Variants in TESPA1 observed in about 807,000 individuals in gnomAD.
TESPA1 encodes the protein thymocyte expressed, positive selection associated 1.
TESPA1 carries 33 observed loss-of-function variants against 57.9 expected under a neutral mutation model. The ratio of observed to expected loss-of-function variants is 0.57; its 90% CI spans 0.43 to 0.76. The LOEUF is 0.76. Ranked by LOEUF, TESPA1 falls within the 30% of genes least tolerant of loss-of-function variation. The pLI is 0.00. For missense variants in TESPA1, 618 were observed against 632.9 expected, an observed-to-expected ratio of 0.98 and a Z score of 0.25; for synonymous variants, 227 against 228.9, an observed-to-expected ratio of 0.99 and a Z score of 0.07.
At chr12:54,950,689 C>T (rs1950328978) in intron 10 of TESPA1, among the ~76,000 whole-genome samples, 2 of 152,084 alleles carry the variant, frequency 1.3e-5, no homozygotes, top group Admixed American at 1.3e-4. Flanking sequence ...ATCACTAAAC[C>T]ACTATCAATT....
At chr12:54,951,831 T>C (rs1481189249) in intron 10 of TESPA1, among the ~76,000 whole-genome samples, 2 of 151,716 alleles carry the variant, frequency 1.3e-5, no homozygotes, top group Admixed American at 1.3e-4. Flanking sequence ...AAACTTTAAA[T>C]ATTAATATTT....
At chr12:54,974,895 A>G (rs1212140267) in intron 1 of TESPA1, among the ~76,000 whole-genome samples, 5 of 152,328 alleles carry the variant, frequency 3.3e-5, no homozygotes, top group South Asian at 2.1e-4. Flanking sequence ...AAGAATCTCT[A>G]TTTCTCAGGG....
Position 54,963,736 on chromosome 12 carries a change from A to T in TESPA1, c.655+6T>A, listed in dbSNP as rs769815098. 2 of 1,609,864 alleles carry T rather than the reference A, an allele frequency of 1.2e-6. No homozygotes were observed. The highest frequency in any genetic ancestry group is 4.5e-5 in the East Asian group (2 of 44,810). ...AGTAGAGCAGGTGCCTGGGAGGGAC[A>T]CTCACTGGCCAGCATGAGGCAGGGG... On this transcript the variant is annotated splice_donor_region_variant and intron_variant, in intron 8 of 10. Transcript: ENST00000449076.
chr12:54,961,828 C>T (rs1186561601), intron 9 of TESPA1, among the ~76,000 whole-genome samples: 1 of 152,202 alleles, frequency 6.6e-6, no homozygotes, highest in Non-Finnish European at 1.5e-5. Flanking sequence ...AAATGATGAC[C>T]AATGGCTCTT....
chr12:54,983,247 T>C (rs896967536), intron 1 of TESPA1, among the ~76,000 whole-genome samples: 3 of 152,182 alleles, frequency 2.0e-5, no homozygotes, highest in Non-Finnish European at 2.9e-5. Flanking sequence ...GAGAACATGT[T>C]GGTAGCGTGG....
chr12:54,950,527 A>G (rs1592285566), intron 10 of TESPA1, 137 bp from the exon 11 acceptor site: 1 of 347,478 alleles, frequency 2.9e-6, no homozygotes, highest in East Asian at 7.6e-5. Flanking sequence ...TATTAGCAGC[A>G]GCAGCAAAGA....
chr12:54,959,794 G>A (rs1386937882), intron 10 of TESPA1, among the ~76,000 whole-genome samples: 14 of 152,114 alleles, frequency 9.2e-5, no homozygotes, highest in Non-Finnish European at 1.9e-4. Flanking sequence ...TGGAGTGGCC[G>A]CTTCTAGCTC....
chr12:54,964,540 T>C (rs994377540), intron 7 of TESPA1, among the ~76,000 whole-genome samples: 2 of 152,230 alleles, frequency 1.3e-5, no homozygotes, highest in Non-Finnish European at 2.9e-5. Flanking sequence ...CTCTTTATGG[T>C]ATCAACCTGG....
rs1044309870 is a variant in TESPA1, at chr12:54,962,821, T to G, written c.1077A>C (p.Pro359=). 6.2e-7 allele frequency: 1 copy of G among 1,613,854 alleles called. No individual in the cohort carries two copies. The highest frequency in any genetic ancestry group is 1.7e-5 in the Admixed American group (1 of 60,018). The part of the protein sequence containing the change: ...EGKKLPTSPY[P]CVFCCEEETQ... The stretch of plus-strand genomic sequence containing the variant: ...TTTCCTCTTCACAGCAGAAGACACA[T>G]GGATAGGGAGAAGTGGGCAACTTCT... The change falls in exon 9 of 11, where the codon CCA becomes CCC. Residue 359 remains proline (P), a synonymous_variant. Coordinates refer to ENST00000449076, the MANE Select transcript of TESPA1 (RefSeq NM_001136030.3).
At chr12:54,957,254 C>T (rs970103417) in intron 10 of TESPA1, among the ~76,000 whole-genome samples, 3 of 152,024 alleles carry the variant, frequency 2.0e-5, no homozygotes, top group Non-Finnish European at 2.9e-5. Flanking sequence ...CAACGCTACA[C>T]GGTGGCTGGC....
chr12:54,964,798 C>T (rs1418865342), intron 7 of TESPA1, among the ~76,000 whole-genome samples: 3 of 152,212 alleles, frequency 2.0e-5, no homozygotes, highest in Non-Finnish European at 4.4e-5. Context: ...TCCTAAGTTT[C>T]CCTATCTGTG....
chr12:54,951,417 C>T (rs2136005787), intron 10 of TESPA1, among the ~76,000 whole-genome samples: 1 of 152,294 alleles, frequency 6.6e-6, no homozygotes, highest in Middle Eastern at 3.4e-3. Flanking sequence ...CAGCTAGGTC[C>T]TTACAGCAAT....
At chr12:54,984,142 G>A (rs894335720) in intron 1 of TESPA1, 2 of 152,166 alleles carry the variant, frequency 1.3e-5, no homozygotes, top group Admixed American at 1.3e-4. Flanking sequence ...CTCAATGGTT[G>A]GAGCTATGGA....
rs144267388 is a variant in TESPA1, at chr12:54,980,671, T to C, written c.-46+3914A>G. On this transcript the variant is annotated intron_variant, in intron 1 of 10. Transcript: ENST00000449076. ...AGTGGATAATTATCATTAGTAGACA[T>C]ATTTTAATATTTTAGCAACTATTAG... is the stretch of plus-strand genomic sequence containing the variant. Among the ~76,000 whole-genome samples, 9 of 152,326 alleles carry C rather than the reference T, an allele frequency of 5.9e-5. No individual in the cohort carries two copies. The East Asian group carries it at 9.7e-4, about 16-fold the overall frequency.
At position 54,949,164 on chromosome 12, in the gene TESPA1, G is replaced by A. The variant is rs1036161063; in HGVS notation, c.*1228C>T. ...AAAGTTCATTTTGTTCTTTTGGTAT[G>A]GGGAATTAGTAAACACAGATGGTTT... On this transcript the variant is annotated 3_prime_UTR_variant, in exon 11 of 11. Coordinates refer to ENST00000449076, the MANE Select transcript of TESPA1 (RefSeq NM_001136030.3). 5 of 152,066 alleles carry A rather than the reference G, an allele frequency of 3.3e-5. No individual in the cohort carries two copies. The highest frequency in any genetic ancestry group is 9.7e-5 in the African/African-American group (4 of 41,414). The allele number at this position is 152,066 out of a possible 1,614,324, so 9.4% of individuals were successfully genotyped here.
intron 1 of TESPA1, among the ~76,000 whole-genome samples, chr12:54,978,152 G>A (rs1457428053): frequency 6.6e-6 from 1 of 152,154 alleles, no homozygotes; most frequent in Non-Finnish European, 1.5e-5. Flanking sequence ...AGGTCTTGGG[G>A]CCCCTTGTAA....
chr12:54,961,023 T>C (rs899308394), intron 10 of TESPA1, 145 bp downstream of exon 10: 9 of 947,942 alleles, frequency 9.5e-6, no homozygotes, highest in Non-Finnish European at 1.5e-5. Context: ...ACCTGGAAGC[T>C]TAAAATAATT....
chr12:54,977,065 C>A (rs538783742), intron 1 of TESPA1, among the ~76,000 whole-genome samples: 6 of 151,900 alleles, frequency 3.9e-5, no homozygotes, highest in Admixed American at 6.6e-5. Flanking sequence ...TCTTTCTCTG[C>A]TTGATTTTTT....
At chr12:54,967,305 C>A in intron 4 of TESPA1, 69 bp from the exon 5 acceptor site, 2 of 1,529,548 alleles carry the variant, frequency 1.3e-6, no homozygotes, top group Admixed American at 3.7e-5. Flanking sequence ...ATGCACACCC[C>A]TGCATACACG....
Sources: gnomAD v4.1 joint callset for allele counts (sites outside exome capture counted in the v4.1 genomes callset) on GRCh38, gnomAD v4.1.1 for gene constraint, MANE v1.5 for transcripts, NCBI Gene and HGNC (gene_info 2026-07-23, HGNC 2026-07-21) for gene names.